Variants in KCNH5 observed in about 807,000 individuals in gnomAD.
KCNH5 encodes potassium voltage-gated channel subfamily H member 5.
A neutral mutation model predicts 96.1 loss-of-function variants in KCNH5; 46 were observed. That is an observed-to-expected ratio of 0.48 (90% CI 0.38 to 0.61). The LOEUF (loss-of-function observed/expected upper bound fraction) is 0.61, where lower values mean the gene tolerates loss of function less well. Ranked by LOEUF, KCNH5 falls within the 20% of genes least tolerant of loss-of-function variation. The probability of loss-of-function intolerance (pLI) is 0.00; values close to 1 mark genes in which losing one functional copy is unlikely to be tolerated. For missense variants in KCNH5, 907 were observed against 1,225.8 expected, an observed-to-expected ratio of 0.74 and a Z score of 3.88; for synonymous variants, 439 against 449.8, an observed-to-expected ratio of 0.98 and a Z score of 0.30.
At chr14:62,765,821 C>G (rs773518553) in intron 10 of KCNH5, among the ~76,000 whole-genome samples, 7 of 151,996 alleles carry the variant, frequency 4.6e-5, no homozygotes, top group Non-Finnish European at 8.8e-5. Flanking sequence ...GCACAGACAA[C>G]AAAAGCAAAA....
At chr14:63,028,443 A>G (rs1023329017) in intron 1 of KCNH5, among the ~76,000 whole-genome samples, 1 of 152,144 alleles carries the variant, frequency 6.6e-6, no homozygotes, top group Non-Finnish European at 1.5e-5. Context: ...GGAAAACTTC[A>G]TTTCTTCCTT....
chr14:62,938,235 A>G (rs1016569629), intron 7 of KCNH5, among the ~76,000 whole-genome samples: 3 of 152,190 alleles, frequency 2.0e-5, no homozygotes, highest in African/African-American at 7.2e-5. Context: ...CCAGCTTCAA[A>G]GGGAATTTTT....
intron 10 of KCNH5, among the ~76,000 whole-genome samples, chr14:62,750,801 T>C (rs1885481500): frequency 6.6e-6 from 1 of 152,218 alleles, no homozygotes. Context: ...TAAGAGCTAT[T>C]AATTCTGCCT....
chr14:62,846,789 CTTTTTTTTTTTT>C (rs766919022), intron 8 of KCNH5, among the ~76,000 whole-genome samples: 5 of 67,480 alleles, frequency 7.4e-5, no homozygotes, highest in Middle Eastern at 0.01. Flanking sequence ...TGTATTGTAT[CTTTTTTTTTTTT>C]TTTTTTTTTT....
chr14:62,918,617 A>G (rs1208089964), intron 7 of KCNH5, among the ~76,000 whole-genome samples: 1 of 152,162 alleles, frequency 6.6e-6, no homozygotes, highest in Non-Finnish European at 1.5e-5. Context: ...CAATAAACAT[A>G]ATAAATACAT....
intron 7 of KCNH5, among the ~76,000 whole-genome samples, chr14:62,896,479 T>C (rs1021388926): frequency 2.0e-4 from 30 of 152,324 alleles, no homozygotes; most frequent in African/African-American, 7.0e-4. Context: ...CCCTTTCACC[T>C]TCCTCTTACC....
rs1888355181 is a variant in KCNH5 at position 62,875,581 on chromosome 14, T to C, written c.1370-25729A>G. On this transcript the variant is annotated intron_variant, in intron 7 of 10. Transcript: ENST00000322893. ...TGGCGAGGAGAAACAGGAATGCTTT[T>C]ACACTCTTGGTGGGAATATAAATTA... Among the ~76,000 whole-genome samples the C allele has an allele frequency of 4.6e-5, 7 of 152,240 alleles. No individual in the cohort carries two copies. The South Asian group carries it at 1.5e-3, about 32-fold the overall frequency.
At chr14:62,780,264 C>G (rs1370185910) in intron 9 of KCNH5, among the ~76,000 whole-genome samples, 2 of 152,196 alleles carry the variant, frequency 1.3e-5, no homozygotes, top group Non-Finnish European at 2.9e-5. Context: ...TTAGTTTCAT[C>G]CTTGCCTCTG....
chr14:62,924,011 C>T (rs1266131741), intron 7 of KCNH5, among the ~76,000 whole-genome samples: 2 of 151,644 alleles, frequency 1.3e-5, no homozygotes, highest in Admixed American at 1.3e-4. Flanking sequence ...GCAAAAGAAA[C>T]AATTATCAAA....
intron 2 of KCNH5, among the ~76,000 whole-genome samples, chr14:63,014,515 T>C (rs1891287913): frequency 6.6e-6 from 1 of 152,028 alleles, no homozygotes; most frequent in Admixed American, 6.6e-5. Flanking sequence ...GAATCCTTTA[T>C]AGGAAAAATT....
At chr14:62,807,324 G>A (rs2140004229) in intron 8 of KCNH5, among the ~76,000 whole-genome samples, 1 of 152,146 alleles carries the variant, frequency 6.6e-6, no homozygotes, top group Non-Finnish European at 1.5e-5. Flanking sequence ...GTCTTTCTGT[G>A]TAGCTATATA....
At chr14:62,829,312 G>C (rs1887292886) in intron 8 of KCNH5, among the ~76,000 whole-genome samples, 1 of 152,156 alleles carries the variant, frequency 6.6e-6, no homozygotes, top group Non-Finnish European at 1.5e-5. Flanking sequence ...AAGTACCCCA[G>C]TGAAGTCCCT....
chr14:62,991,026 G>T (rs1273473653), intron 4 of KCNH5, among the ~76,000 whole-genome samples: 4 of 152,002 alleles, frequency 2.6e-5, no homozygotes, highest in Non-Finnish European at 5.9e-5. Context: ...CCAATGTGGG[G>T]ATTACAATTC....
intron 6 of KCNH5, among the ~76,000 whole-genome samples, chr14:62,966,366 T>G (rs773041726): frequency 1.8e-4 from 27 of 152,200 alleles, no homozygotes; most frequent in Non-Finnish European, 2.9e-4. Context: ...ATAGACCTCA[T>G]AGTAGTTTGT....
chr14:62,978,233 A>G (rs535551940), intron 6 of KCNH5, among the ~76,000 whole-genome samples: 1 of 152,330 alleles, frequency 6.6e-6, no homozygotes, highest in Non-Finnish European at 1.5e-5. Flanking sequence ...TCAAGCTACC[A>G]CTGTGAGATC....
intron 9 of KCNH5, among the ~76,000 whole-genome samples, chr14:62,799,726 T>C (rs4357838): frequency 0.12 from 8,087 of 68,396 alleles, 776 homozygotes; most frequent in African/African-American, 0.26. Flanking sequence ...TATATATATA[T>C]ACACACACAC....
At chr14:62,779,973 T>C in intron 9 of KCNH5, 49 bp from the exon 10 acceptor site, 2 of 1,460,008 alleles carry the variant, frequency 1.4e-6, no homozygotes, top group East Asian at 2.3e-5. Context: ...ACTGTTCTTA[T>C]TTAATCACTC....
intron 8 of KCNH5, among the ~76,000 whole-genome samples, chr14:62,838,982 C>CAAAAAA (rs1475655884): frequency 2.0e-5 from 3 of 150,190 alleles, no homozygotes; most frequent in African/African-American, 7.3e-5. Context: ...AAATAAGCTA[C>CAAAAAA]AAAAATAATA....
At chr14:63,009,126 C>T (rs191479944) in intron 2 of KCNH5, among the ~76,000 whole-genome samples, 1 of 151,936 alleles carries the variant, frequency 6.6e-6, no homozygotes, top group East Asian at 1.9e-4. Context: ...AATTGGTCAA[C>T]AGAAAAACAA....
Sources: allele counts gnomAD v4.1 joint callset (sites outside exome capture counted in the v4.1 genomes callset), GRCh38; gene constraint gnomAD v4.1.1; transcripts MANE v1.5; gene names NCBI Gene and HGNC (gene_info 2026-07-23, HGNC 2026-07-21).